Variants in SGCG observed in about 807,000 individuals in gnomAD.
The protein encoded by SGCG is gamma-sarcoglycan.
A neutral mutation model predicts 29.3 loss-of-function variants in SGCG; 26 were observed. That is an observed-to-expected ratio of 0.89 (90% confidence interval 0.65 to 1.23). The LOEUF (loss-of-function observed/expected upper bound fraction) is 1.23. Ranked by LOEUF, SGCG falls within the 50% of genes most tolerant of loss-of-function variation. SGCG has a pLI of 0.00. For missense variants in SGCG, 353 were observed against 356.0 expected (o/e 0.99, Z 0.07); for synonymous variants, 145 against 129.7 (o/e 1.12, Z -0.80).
chr13:23,321,906 A>AG (rs909792762), intron 7 of SGCG, among the ~76,000 whole-genome samples: 5 of 116,506 alleles, frequency 4.3e-5, no homozygotes, highest in South Asian at 2.9e-4. Context: ...CCTGTTTGTT[A>AG]GAAAAAAAAA....
chr13:23,265,213 A>G (rs138286052), intron 4 of SGCG, among the ~76,000 whole-genome samples: 5 of 152,284 alleles, frequency 3.3e-5, no homozygotes, highest in Non-Finnish European at 7.4e-5. Context: ...TTTTTAAAAA[A>G]GTTAATATCT....
chr13:23,161,714 T>C, the SGCG span, among the ~76,000 whole-genome samples: 1 of 152,238 alleles, frequency 6.6e-6, no homozygotes, highest in Admixed American at 6.5e-5. Context: ...ACAATATGCT[T>C]CCAAATTGAC....
At position 23,203,797 on chromosome 13, in the gene SGCG, T is replaced by A; in HGVS notation, c.103T>A (p.Cys35Ser). ...KIGIYGWRKR[C>S]LYLFVLLLLI... ...TGGCATTTATGGCTGGAGAAAGCGC[T>A]GTCTCTACTTGTTTGTTCTTCTTTT... The change falls in exon 2 of 8, where the codon TGT becomes AGT. Residue 35 changes from cysteine (C) to serine (S), a missense_variant. Coordinates refer to ENST00000218867, the MANE Select transcript of SGCG (RefSeq NM_000231.3). 1 of 1,613,692 alleles carries A rather than the reference T, an allele frequency of 6.2e-7. No individual in the cohort carries two copies. The highest frequency in any genetic ancestry group is 1.1e-5 in the South Asian group (1 of 91,080).
intron 6 of SGCG, among the ~76,000 whole-genome samples, chr13:23,297,725 T>C (rs994980058): frequency 1.3e-5 from 2 of 152,168 alleles, no homozygotes; most frequent in African/African-American, 4.8e-5. Context: ...ATTTTGCTTA[T>C]GGCCAGTTTT....
intron 4 of SGCG, among the ~76,000 whole-genome samples, chr13:23,275,120 A>AAAATATATAT: frequency 7.7e-6 from 1 of 129,926 alleles, no homozygotes; most frequent in Non-Finnish European, 1.7e-5. Flanking sequence ...TAATGGATGG[A>AAAATATATAT]ATATATATAT....
At chr13:23,244,248 G>GT (rs1879615837) in intron 3 of SGCG, 1 of 152,172 alleles carries the variant, frequency 6.6e-6, no homozygotes, top group South Asian at 2.1e-4. Flanking sequence ...CAAAACCGCC[G>GT]TATCAGGATC....
intron 2 of SGCG, among the ~76,000 whole-genome samples, chr13:23,230,487 G>T (rs751913461): frequency 3.3e-5 from 5 of 152,102 alleles, no homozygotes; most frequent in Non-Finnish European, 7.4e-5. Context: ...TCTCATTGTA[G>T]GGATCTTTCA....
intron 4 of SGCG, among the ~76,000 whole-genome samples, chr13:23,263,567 C>T (rs944255846): frequency 3.3e-5 from 5 of 151,340 alleles, no homozygotes; most frequent in African/African-American, 9.7e-5. Flanking sequence ...GAAAGAAATC[C>T]TCCCTAACTC....
chr13:23,248,203 T>A (rs1421066877), intron 3 of SGCG, among the ~76,000 whole-genome samples: 3 of 151,252 alleles, frequency 2.0e-5, no homozygotes, highest in Non-Finnish European at 3.0e-5. Flanking sequence ...AAAATTTCTA[T>A]CAAAAAAAAA....
chr13:23,279,133 T>C (rs1216331735), intron 4 of SGCG, among the ~76,000 whole-genome samples: 1 of 152,210 alleles, frequency 6.6e-6, no homozygotes, highest in Non-Finnish European at 1.5e-5. Context: ...TGTACATATA[T>C]TGATATAGGT....
At chr13:23,221,119 C>A (rs1878640722) in intron 2 of SGCG, among the ~76,000 whole-genome samples, 1 of 152,108 alleles carries the variant, frequency 6.6e-6, no homozygotes, top group Non-Finnish European at 1.5e-5. Context: ...TTATAAACTG[C>A]AACTTAGGTC....
Position 23,324,794 on chromosome 13 carries a change from C to T in SGCG, c.*253C>T, listed in dbSNP as rs1274602976. ...GTTTTTCCACTGGATTAATTTTCAC[C>T]GGAACAATTGCGAATTCTCTCTGCC... On this transcript the variant is annotated 3_prime_UTR_variant, in exon 8 of 8. Coordinates refer to ENST00000218867, the MANE Select transcript of SGCG (RefSeq NM_000231.3). 2 of 506,668 alleles carry T rather than the reference C, an allele frequency of 3.9e-6. No individual in the cohort carries two copies. Among genetic ancestry groups the T allele is most frequent in the Admixed American group, 3.1e-5 (1 of 31,926 alleles). The allele number at this position is 506,668 out of a possible 1,614,324, so 31.4% of individuals were successfully genotyped here.
At chr13:23,238,756 G>GA (rs1302105759) in intron 3 of SGCG, among the ~76,000 whole-genome samples, 1 of 152,124 alleles carries the variant, frequency 6.6e-6, no homozygotes, top group East Asian at 1.9e-4. Flanking sequence ...TGGAAAGACA[G>GA]AAAAAACACA....
chr13:23,229,014 C>T (rs1323057374), intron 2 of SGCG, among the ~76,000 whole-genome samples: 1 of 152,194 alleles, frequency 6.6e-6, no homozygotes, highest in Non-Finnish European at 1.5e-5. Flanking sequence ...GGACTACAGG[C>T]ATGCGCCACC....
chr13:23,227,332 AAAAC>A (rs1878940620), intron 2 of SGCG, among the ~76,000 whole-genome samples: 1 of 143,542 alleles, frequency 7.0e-6, no homozygotes, highest in African/African-American at 2.6e-5. Context: ...AAAAAAAACA[AAAAC>A]CTGGCAGTAC....
chr13:23,295,092 T>A (rs555369990), intron 5 of SGCG, among the ~76,000 whole-genome samples: 1 of 152,338 alleles, frequency 6.6e-6, no homozygotes, highest in East Asian at 1.9e-4. Context: ...TTAAAATATA[T>A]GGGTGTATGC....
At chr13:23,166,848 T>G in the SGCG span, among the ~76,000 whole-genome samples, 6 of 152,234 alleles carry the variant, frequency 3.9e-5, no homozygotes, top group Non-Finnish European at 8.8e-5. Flanking sequence ...GCATGCCATG[T>G]GAGAGAATCA....
intron 1 of SGCG, among the ~76,000 whole-genome samples, chr13:23,203,266 C>G (rs1378568089): frequency 6.6e-6 from 1 of 152,058 alleles, no homozygotes; most frequent in Non-Finnish European, 1.5e-5. Context: ...GCTGCGGATT[C>G]CTTTTTAAAT....
chr13:23,176,101 C>G (rs1876547582), upstream of SGCG, among the ~76,000 whole-genome samples: 1 of 152,118 alleles, frequency 6.6e-6, no homozygotes, highest in African/African-American at 2.4e-5. Context: ...TTTGCATTCA[C>G]ATTTAATTTG....
Sources: gnomAD v4.1 joint callset for allele counts (sites outside exome capture counted in the v4.1 genomes callset) on GRCh38, gnomAD v4.1.1 for gene constraint, MANE v1.5 for transcripts, NCBI Gene and HGNC (gene_info 2026-07-23, HGNC 2026-07-21) for gene names.